Variants in ADGRL2 observed in about 807,000 individuals in gnomAD.
ADGRL2 encodes calcium-independent alpha-latrotoxin receptor 2.
A neutral mutation model predicts 157.4 loss-of-function variants in ADGRL2; 44 were observed. That is an observed-to-expected ratio of 0.28 (90% confidence interval 0.22 to 0.36). The LOEUF is 0.36. ADGRL2 is among the 10% of genes least tolerant of loss of function. ADGRL2 has a pLI of 1.00. For synonymous variants in ADGRL2, 585 were observed against 624.7 expected (o/e 0.94, Z 0.95); for missense variants, 1,510 against 1,768.9 (o/e 0.85, Z 2.63).
intron 1 of ADGRL2, among the ~76,000 whole-genome samples, chr1:81,312,571 T>C (rs1659831343): frequency 6.6e-6 from 1 of 152,246 alleles, no homozygotes; most frequent in Admixed American, 6.5e-5. Context: ...TTTCTACCCA[T>C]TGAGGTACTC....
intron 2 of ADGRL2, among the ~76,000 whole-genome samples, chr1:81,505,697 T>A (rs1460565158): frequency 1.7e-4 from 22 of 125,836 alleles, no homozygotes; most frequent in Non-Finnish European, 3.1e-4. Flanking sequence ...TGATAGCACA[T>A]GGGTAGCCTA....
At chr1:81,868,636 G>A (rs539422502) in intron 2 of ADGRL2, among the ~76,000 whole-genome samples, 20 of 152,022 alleles carry the variant, frequency 1.3e-4, no homozygotes, top group South Asian at 6.2e-4. Context: ...TTTTTAGAAC[G>A]ACATGTAATT....
intron 1 of ADGRL2, among the ~76,000 whole-genome samples, chr1:81,415,297 C>T (rs2077014053): frequency 6.6e-6 from 1 of 152,162 alleles, no homozygotes; most frequent in South Asian, 2.1e-4. Flanking sequence ...CAACTACTGC[C>T]AAATACCCTT....
In ADGRL2 at chr1:81,874,431, A is replaced by G. The variant is rs568745623; in HGVS notation, c.74-32586A>G. Among the ~76,000 whole-genome samples the G allele has an allele frequency of 2.9e-3, 438 of 152,322 alleles. 2 individuals carry two copies. The highest frequency in any genetic ancestry group is 9.9e-3 in the African/African-American group (412 of 41,578). On this transcript the variant is annotated intron_variant, in intron 2 of 23. Transcript: ENST00000686636. ...ATGAAGTTGATGGGATTATGAAGGT[A>G]ACTAGAGGTACCTGCCTCTTTTCCT... is the stretch of plus-strand genomic sequence containing the variant.
Position 81,413,692 on chromosome 1 carries a change from C to G in ADGRL2, c.-301-31344C>G, listed in dbSNP as rs1003820146. Among the ~76,000 whole-genome samples the G allele has an allele frequency of 6.6e-5, 10 of 152,092 alleles. 1 individual carries two copies. The highest frequency in any genetic ancestry group is 2.4e-4 in the African/African-American group (10 of 41,414). On this transcript the variant is annotated intron_variant, in intron 1 of 24. Coordinates refer to the ADGRL2 transcript ENST00000370721. ...GTCTTTCTACTTGAGGTCAGTAGTTCACTGATTTTTGTCAAGAAAAAGAGT... is the reference window on the plus strand; with the variant it reads ...GTCTTTCTACTTGAGGTCAGTAGTTGACTGATTTTTGTCAAGAAAAAGAGT...
intron 2 of ADGRL2, among the ~76,000 whole-genome samples, chr1:81,795,139 C>A (rs2087525186): frequency 6.6e-6 from 1 of 152,108 alleles, no homozygotes; most frequent in South Asian, 2.1e-4. Flanking sequence ...TGGCTGTAAT[C>A]TCAGAACTTT....
chr1:81,586,349 A>G (rs2081025738), intron 3 of ADGRL2: 1 of 151,912 alleles, frequency 6.6e-6, no homozygotes, highest in South Asian at 2.1e-4. Context: ...AGTCAGAGGG[A>G]GATGAAGGAG....
chr1:81,979,103 T>C (rs538724791), intron 17 of ADGRL2, among the ~76,000 whole-genome samples: 2 of 151,872 alleles, frequency 1.3e-5, no homozygotes, highest in African/African-American at 4.8e-5. Context: ...ACACAGCTCC[T>C]TTTCCTCTGA....
At chr1:81,843,563 C>A (rs1399876431) in intron 2 of ADGRL2, among the ~76,000 whole-genome samples, 1 of 152,020 alleles carries the variant, frequency 6.6e-6, no homozygotes, top group Admixed American at 6.6e-5. Context: ...AGCGATAATT[C>A]GGTTTTAAAA....
At chr1:81,319,030 C>T (rs943826881) in intron 1 of ADGRL2, among the ~76,000 whole-genome samples, 8 of 147,412 alleles carry the variant, frequency 5.4e-5, no homozygotes, top group African/African-American at 2.0e-4. Flanking sequence ...CAACCTCCAC[C>T]TCCCAGGTTC....
chr1:81,534,250 C>T (rs1033561230), intron 2 of ADGRL2, among the ~76,000 whole-genome samples: 3 of 152,196 alleles, frequency 2.0e-5, no homozygotes, highest in Non-Finnish European at 2.9e-5. Flanking sequence ...CAACCTCCGC[C>T]TCCCAGGTTG....
intron 1 of ADGRL2, among the ~76,000 whole-genome samples, chr1:81,317,159 C>T (rs998997796): frequency 6.6e-6 from 1 of 151,924 alleles, no homozygotes; most frequent in Non-Finnish European, 1.5e-5. Context: ...ACATATGCTG[C>T]CAAACATTCT....
Position 81,675,095 on chromosome 1 carries a change from C to T in ADGRL2, c.-142-86716C>T, listed in dbSNP as rs529150489. 4.1e-4 allele frequency among the ~76,000 whole-genome samples: 63 copies of T among 152,162 alleles called. No homozygotes were observed. The South Asian group carries it at 0.013, about 32-fold the overall frequency. On this transcript the variant is annotated intron_variant, in intron 3 of 24. Coordinates refer to the ADGRL2 transcript ENST00000370721. ...AGAAGATCCTGGGAAATAAAGGATC[C>T]ACCACACTGAAACGAAATAACATAA...
intron 1 of ADGRL2, among the ~76,000 whole-genome samples, chr1:81,804,740 A>C (rs2088851888): frequency 6.6e-6 from 1 of 152,146 alleles, no homozygotes. Flanking sequence ...TGTAAGAGAG[A>C]GTGAGAAAGC....
At chr1:81,885,871 A>G (rs1405938409) in intron 2 of ADGRL2, among the ~76,000 whole-genome samples, 1 of 152,184 alleles carries the variant, frequency 6.6e-6, no homozygotes, top group Non-Finnish European at 1.5e-5. Context: ...CACTGAAATA[A>G]TCTCAAACTG....
intron 3 of ADGRL2, among the ~76,000 whole-genome samples, 163 bp from the exon 4 acceptor site, chr1:81,936,565 C>T (rs191828392): frequency 1.1e-4 from 16 of 151,862 alleles, no homozygotes; most frequent in African/African-American, 3.9e-4. Context: ...GAAAACAAAA[C>T]TCTTATAAAA....
At chr1:81,645,804 A>C (rs944626684) in intron 3 of ADGRL2, among the ~76,000 whole-genome samples, 2 of 152,092 alleles carry the variant, frequency 1.3e-5, no homozygotes, top group African/African-American at 4.8e-5. Context: ...CCCCTCTAAT[A>C]AATACTGATG....
chr1:81,968,838 T>A (rs758182325), intron 14 of ADGRL2, among the ~76,000 whole-genome samples: 1 of 152,202 alleles, frequency 6.6e-6, no homozygotes, highest in Middle Eastern at 3.2e-3. Context: ...GTCAGTTGTT[T>A]TTAATCATGA....
intron 3 of ADGRL2, among the ~76,000 whole-genome samples, chr1:81,654,794 A>G (rs2082495187): frequency 6.6e-6 from 1 of 152,134 alleles, no homozygotes; most frequent in African/African-American, 2.4e-5. Flanking sequence ...ATTTCATTAT[A>G]ATGGATTTCT....
Sources: gnomAD v4.1 joint callset for allele counts (sites outside exome capture counted in the v4.1 genomes callset) on GRCh38, gnomAD v4.1.1 for gene constraint, MANE v1.5 for transcripts, NCBI Gene and HGNC (gene_info 2026-07-23, HGNC 2026-07-21) for gene names.